Variants in PTPRN2 observed in about 807,000 individuals in gnomAD.
The protein encoded by PTPRN2 is protein tyrosine phosphatase receptor type N2.
A neutral mutation model predicts 118.8 loss-of-function variants in PTPRN2; 74 were observed. The observed-to-expected ratio is 0.62, with a 90% CI of 0.52 to 0.76. The LOEUF is 0.76. Among genes scored for constraint, PTPRN2 ranks in the 30% least tolerant of loss-of-function variants. PTPRN2 has a pLI of 0.00. For synonymous variants in PTPRN2, 641 were observed against 608.0 expected, an observed-to-expected ratio of 1.05 and a Z score of -0.80; for missense variants, 1,481 against 1,394.4, an observed-to-expected ratio of 1.06 and a Z score of -0.99.
chr7:157,904,839 A>G (rs926480630), intron 11 of PTPRN2, among the ~76,000 whole-genome samples: 1 of 152,206 alleles, frequency 6.6e-6, no homozygotes, highest in East Asian at 1.9e-4. Context: ...TCCAGGGCAC[A>G]AGGGCAGCCT....
In PTPRN2 at chr7:158,438,434, T is replaced by C. The variant is rs1816736288; in HGVS notation, c.163+51301A>G. On this transcript the variant is annotated intron_variant, in intron 2 of 22. Transcript: ENST00000389418. The surrounding 1 kb of genome is among the most constrained non-coding windows in gnomAD (Gnocchi z 4.7). ...AATTGTACATATTTATGGGCTACGG[T>C]GTGATGTTTCAACACATATATACAT... Among the ~76,000 whole-genome samples the C allele has an allele frequency of 6.6e-6, 1 of 152,162 alleles. No individual in the cohort carries two copies. Among genetic ancestry groups the C allele is most frequent in the African/African-American group, 2.4e-5 (1 of 41,434 alleles).
chr7:158,164,771 A>T (rs4382420), intron 6 of PTPRN2, among the ~76,000 whole-genome samples: 1 of 152,032 alleles, frequency 6.6e-6, no homozygotes, highest in South Asian at 2.1e-4. Flanking sequence ...GACGACCCAA[A>T]GTGACCCCAC....
chr7:158,068,545 C>T (rs1388366961), intron 11 of PTPRN2, among the ~76,000 whole-genome samples: 2 of 152,242 alleles, frequency 1.3e-5, no homozygotes, highest in Non-Finnish European at 2.9e-5. Context: ...TTTAAAAATG[C>T]ATCATCAAAC....
chr7:157,841,102 G>T (rs139262644), intron 12 of PTPRN2, among the ~76,000 whole-genome samples: 1 of 152,260 alleles, frequency 6.6e-6, no homozygotes, highest in African/African-American at 2.4e-5. Context: ...GGGCAGAGGC[G>T]GTCGCAGAGC....
intron 12 of PTPRN2, among the ~76,000 whole-genome samples, chr7:157,891,338 C>T (rs1020762332): frequency 6.6e-6 from 1 of 152,058 alleles, no homozygotes; most frequent in Admixed American, 6.5e-5. Context: ...AAGCTGGTTT[C>T]GAACACATCC....
intron 3 of PTPRN2, among the ~76,000 whole-genome samples, chr7:158,292,638 T>G (rs1481000900): frequency 6.6e-6 from 1 of 152,224 alleles, no homozygotes; most frequent in Non-Finnish European, 1.5e-5. Context: ...CTGGGCTGGA[T>G]GGTAAAGCCC....
intron 12 of PTPRN2, among the ~76,000 whole-genome samples, chr7:157,812,084 G>C (rs1054298281): frequency 1.3e-5 from 2 of 152,194 alleles, no homozygotes; most frequent in African/African-American, 4.8e-5. Context: ...GTTTGGCCGG[G>C]CTCCCCTTAT....
At chr7:157,870,659 T>G (rs1810992259) in intron 12 of PTPRN2, among the ~76,000 whole-genome samples, 1 of 152,246 alleles carries the variant, frequency 6.6e-6, no homozygotes, top group Admixed American at 6.5e-5. Context: ...TTTTCCATGA[T>G]CCACATTTTC....
intron 10 of PTPRN2, among the ~76,000 whole-genome samples, chr7:158,108,525 CT>C (rs1815885662): frequency 1.3e-5 from 2 of 152,208 alleles, no homozygotes; most frequent in Admixed American, 1.3e-4. Context: ...ATGGAGCCCC[CT>C]GTCCCTCCAC....
At chr7:158,169,993 T>C (rs76849852) in intron 5 of PTPRN2, among the ~76,000 whole-genome samples, 3,153 of 152,332 alleles carry the variant, frequency 0.021, 100 homozygotes, top group African/African-American at 0.072. Context: ...TGCCCAGCCA[T>C]TATCTCTAAG....
intron 1 of PTPRN2, among the ~76,000 whole-genome samples, chr7:158,580,624 A>G (rs189934889): frequency 3.3e-5 from 5 of 152,256 alleles, no homozygotes; most frequent in African/African-American, 4.8e-5. Flanking sequence ...TCTAAACATC[A>G]AACCTAAACA....
At chr7:158,384,921 G>A (rs151190127) in intron 2 of PTPRN2, among the ~76,000 whole-genome samples, 1,561 of 152,004 alleles carry the variant, frequency 0.01, 14 homozygotes, top group Non-Finnish European at 0.016. Context: ...TCACCTGCCC[G>A]CCCTCACAGC....
chr7:158,276,565 G>GCAACA (rs1799018165), intron 3 of PTPRN2, among the ~76,000 whole-genome samples: 1 of 149,418 alleles, frequency 6.7e-6, no homozygotes, highest in African/African-American at 2.5e-5. Flanking sequence ...CCCTGGCCCT[G>GCAACA]GGCAGTCGTG....
chr7:157,857,124 TGCTGGAGGGGGAGGGAGGGGAAC>T (rs2151219433), intron 12 of PTPRN2, among the ~76,000 whole-genome samples: 3 of 64,928 alleles, frequency 4.6e-5, no homozygotes, highest in South Asian at 1.2e-3. Context: ...GAGCTGGGGA[TGCTGGAGGGGGAGGGAGGGGAAC>T]GCTGGATGGG....
In PTPRN2 at chr7:157,560,559, G is replaced by A. The variant is rs1237133837; in HGVS notation, c.2902+8343C>T. Among the ~76,000 whole-genome samples the A allele has an allele frequency of 2.0e-5, 3 of 152,128 alleles. No individual in the cohort carries two copies. The highest frequency in any genetic ancestry group is 2.9e-5 in the Non-Finnish European group (2 of 67,996). ...GCCCGGGAACCTGGGGACACCTCAC[G>A]CCCCACATCCCTCACTGTTTCTCTT... On this transcript the variant is annotated intron_variant, in intron 21 of 22. Transcript: ENST00000389418. This position sits in a 1 kb window ranked among gnomAD's most constrained non-coding sequence, Gnocchi z 6.7.
chr7:157,989,802 T>C (rs1189255557), intron 11 of PTPRN2, among the ~76,000 whole-genome samples: 3 of 152,090 alleles, frequency 2.0e-5, no homozygotes, highest in Non-Finnish European at 2.9e-5. Flanking sequence ...GGAAGCAGCA[T>C]TGAGAGGTCA....
chr7:158,224,140 G>T (rs575263831), intron 3 of PTPRN2, among the ~76,000 whole-genome samples: 49 of 152,212 alleles, frequency 3.2e-4, no homozygotes, highest in African/African-American at 1.2e-3. Context: ...ATACCATGTT[G>T]GTAGATCAGA....
Position 158,509,849 on chromosome 7 carries a change from T to C in PTPRN2, c.113-20064A>G, listed in dbSNP as rs562105364. Among the ~76,000 whole-genome samples, 1 of 152,340 alleles carries C rather than the reference T, an allele frequency of 6.6e-6. No individual in the cohort carries two copies. Among genetic ancestry groups the C allele is most frequent in the Non-Finnish European group, 1.5e-5 (1 of 68,040 alleles). ...CCATGGCCGAGAGGGCTGTAAGTGA[T>C]TTGGTGCATCTTAGATAGTCATTCC... On this transcript the variant is annotated intron_variant, in intron 1 of 22. Transcript: ENST00000389418. This position sits in a 1 kb window ranked among gnomAD's most constrained non-coding sequence, Gnocchi z 4.4.
rs1487544216 is a variant in PTPRN2 at position 158,188,180 on chromosome 7, GCC to G, written c.549+4145_549+4146del. 6.3e-4 allele frequency among the ~76,000 whole-genome samples: 41 copies of G among 64,846 alleles called. 1 individual carries two copies. Among genetic ancestry groups the G allele is most frequent in the East Asian group, 1.1e-3 (2 of 1,792 alleles). 42.5% of individuals were successfully genotyped at this position (64,846 alleles called of 152,430 possible). On this transcript the variant is annotated intron_variant, in intron 5 of 22. Transcript: ENST00000389418. ...CTGTACTGGGAAGGCCGCCACGCTCGCCCCGCGATGGGGAAGGCCGCCACGCT... is the reference window on the plus strand; with the variant it reads ...CTGTACTGGGAAGGCCGCCACGCTCGCCGCGATGGGGAAGGCCGCCACGCT...
Sources: allele counts gnomAD v4.1 joint callset (sites outside exome capture counted in the v4.1 genomes callset), GRCh38; gene constraint gnomAD v4.1.1; non-coding constraint Gnocchi (gnomAD v3.1); transcripts MANE v1.5; gene names NCBI Gene and HGNC (gene_info 2026-07-23, HGNC 2026-07-21).